The following GRM7 variants were observed in gnomAD, a reference collection of about 807,000 sequenced individuals.
GRM7 encodes metabotropic glutamate receptor 7.
In GRM7, 35 loss-of-function variants were observed where a neutral mutation model predicts 84.5. The observed-to-expected ratio is 0.41, with a 90% CI of 0.32 to 0.55. GRM7 has a LOEUF of 0.55. Ranked by LOEUF, GRM7 falls within the 20% of genes least tolerant of loss-of-function variation. GRM7 has a pLI of 0.19. For missense variants in GRM7, 1,003 were observed against 1,194.6 expected (o/e 0.84, Z 2.36); for synonymous variants, 487 against 455.1 (o/e 1.07, Z -0.89).
chr3:7,605,628 C>T (rs1023793189), intron 8 of GRM7, among the ~76,000 whole-genome samples: 2 of 152,004 alleles, frequency 1.3e-5, no homozygotes, highest in Non-Finnish European at 2.9e-5. Flanking sequence ...AGATAACTGC[C>T]GTTTTATAAA....
rs190884837 is a variant in GRM7, at chr3:7,393,377, G to A, written c.1034-21646G>A. ...TATACCAGGCATGAGGCCCTAGTGA[G>A]TCGAGGGTTTCTCCCATTGCCAAGA... On this transcript the variant is annotated intron_variant, in intron 4 of 9. Transcript: ENST00000357716. Among the ~76,000 whole-genome samples the A allele has an allele frequency of 1.3e-4, 20 of 152,272 alleles. No individual in the cohort carries two copies. In the East Asian group the frequency reaches 3.7e-3, roughly 28 times the overall value.
At chr3:7,462,629 T>G (rs73117429) in intron 7 of GRM7, among the ~76,000 whole-genome samples, 2,100 of 152,344 alleles carry the variant, frequency 0.014, 57 homozygotes, top group African/African-American at 0.049. Context: ...CAAATCCATT[T>G]CTTGGGAAGT....
chr3:6,889,286 G>C (rs1695835810), intron 1 of GRM7, among the ~76,000 whole-genome samples: 2 of 152,144 alleles, frequency 1.3e-5, no homozygotes, highest in Admixed American at 1.3e-4. Flanking sequence ...GGAGTGATGA[G>C]AGAGGGCATC....
chr3:6,956,039 A>G (rs1349628552), intron 1 of GRM7, among the ~76,000 whole-genome samples: 1 of 152,176 alleles, frequency 6.6e-6, no homozygotes, highest in Non-Finnish European at 1.5e-5. Flanking sequence ...TTTTAAAGTT[A>G]TTAGTAAAGA....
intron 2 of GRM7, among the ~76,000 whole-genome samples, chr3:7,195,967 G>A (rs1231592007): frequency 6.6e-6 from 1 of 152,040 alleles, no homozygotes; most frequent in Non-Finnish European, 1.5e-5. Flanking sequence ...AAATATACAG[G>A]TATACTTGTA....
chr3:6,895,159 C>T (rs1301953840), intron 1 of GRM7, among the ~76,000 whole-genome samples: 1 of 152,124 alleles, frequency 6.6e-6, no homozygotes, highest in Non-Finnish European at 1.5e-5. Context: ...TATTAACACT[C>T]AATCTACTGG....
At chr3:7,338,768 C>T (rs1481797025) in intron 4 of GRM7, among the ~76,000 whole-genome samples, 1 of 151,954 alleles carries the variant, frequency 6.6e-6, no homozygotes, top group East Asian at 1.9e-4. Context: ...CTTATTGTCT[C>T]CTAAACAAGC....
chr3:7,120,657 C>T (rs1693186700), intron 1 of GRM7, among the ~76,000 whole-genome samples: 1 of 152,006 alleles, frequency 6.6e-6, no homozygotes, highest in Admixed American at 6.6e-5. Context: ...TTTAAAATAA[C>T]AAATGTGGAT....
At chr3:6,991,554 C>G (rs1170744620) in intron 1 of GRM7, among the ~76,000 whole-genome samples, 1 of 152,054 alleles carries the variant, frequency 6.6e-6, no homozygotes, top group African/African-American at 2.4e-5. Flanking sequence ...GAGGCACAAA[C>G]AAGATTTGAG....
intron 2 of GRM7, among the ~76,000 whole-genome samples, chr3:7,162,416 TA>T (rs1277672826): frequency 1.3e-5 from 2 of 152,000 alleles, no homozygotes; most frequent in African/African-American, 4.8e-5. Context: ...AAAAAGTGTT[TA>T]AAGAAGCAAT....
At chr3:7,015,217 C>T (rs377734315) in intron 1 of GRM7, among the ~76,000 whole-genome samples, 2 of 151,540 alleles carry the variant, frequency 1.3e-5, no homozygotes, top group East Asian at 3.9e-4. Context: ...ATAAGTCTTG[C>T]TGCTGCTCAC....
chr3:6,916,015 G>C (rs17743909), intron 1 of GRM7, among the ~76,000 whole-genome samples: 14,405 of 152,236 alleles, frequency 0.095, 790 homozygotes, highest in Non-Finnish European at 0.13. Context: ...TCTGGGAGTA[G>C]ACTCAGAGTA....
chr3:7,335,436 T>G (rs1575183006), intron 4 of GRM7, among the ~76,000 whole-genome samples: 2 of 152,016 alleles, frequency 1.3e-5, no homozygotes, highest in East Asian at 3.9e-4. Context: ...TTTATAGCAT[T>G]AAATGCTTAC....
intron 8 of GRM7, among the ~76,000 whole-genome samples, chr3:7,661,851 C>G (rs1699468812): frequency 1.0e-5 from 1 of 96,750 alleles, no homozygotes; most frequent in Admixed American, 1.1e-4. Context: ...TTGGAAAATA[C>G]TTTGGCAATT....
rs553190145 is a variant in GRM7 at position 6,887,842 on chromosome 3, C to T, written c.519+25935C>T. Among the ~76,000 whole-genome samples the T allele has an allele frequency of 1.3e-4, 20 of 152,262 alleles. 1 individual carries two copies. The highest frequency in any genetic ancestry group is 4.6e-4 in the Admixed American group (7 of 15,288). On this transcript the variant is annotated intron_variant, in intron 1 of 9. Transcript: ENST00000357716. ...CAATGGTTGAACTAATTTATACTTG[C>T]GCCAACAATGTAAAAGCATTCCTAT... is the stretch of plus-strand genomic sequence containing the variant.
chr3:7,142,554 T>C (rs1358856391), intron 1 of GRM7, among the ~76,000 whole-genome samples: 1 of 152,178 alleles, frequency 6.6e-6, no homozygotes, highest in African/African-American at 2.4e-5. Flanking sequence ...ACTGCTCTCA[T>C]GATCCAATTG....
intron 4 of GRM7, among the ~76,000 whole-genome samples, chr3:7,330,932 C>T (rs7621633): frequency 0.78 from 119,383 of 152,134 alleles, 47,219 homozygotes; most frequent in African/African-American, 0.87. Flanking sequence ...TACCTTATCT[C>T]ACCTGAATTG....
intron 5 of GRM7, among the ~76,000 whole-genome samples, chr3:7,421,105 G>T (rs932364587): frequency 1.3e-5 from 2 of 152,136 alleles, no homozygotes; most frequent in Non-Finnish European, 2.9e-5. Context: ...TAAGTGTCAT[G>T]CTAACTCTAT....
chr3:7,598,973 T>C (rs1327464367), intron 8 of GRM7, among the ~76,000 whole-genome samples: 1 of 152,148 alleles, frequency 6.6e-6, no homozygotes. Flanking sequence ...CTTGAATCCT[T>C]TTCTTAAATC....
Sources: gnomAD v4.1 joint callset for allele counts (sites outside exome capture counted in the v4.1 genomes callset) on GRCh38, gnomAD v4.1.1 for gene constraint, MANE v1.5 for transcripts, NCBI Gene and HGNC (gene_info 2026-07-23, HGNC 2026-07-21) for gene names.